Variants in DLC1 observed in about 807,000 individuals in gnomAD.
DLC1 encodes DLC1 Rho GTPase activating protein, also known as rho GTPase-activating protein 7.
In DLC1, 54 loss-of-function variants were observed where a neutral mutation model predicts 140.3. That is an observed-to-expected ratio of 0.38 (90% CI 0.31 to 0.48). The LOEUF (loss-of-function observed/expected upper bound fraction) is 0.48. Among genes scored for constraint, DLC1 ranks in the 20% least tolerant of loss-of-function variants. DLC1 has a pLI of 0.96. For synonymous variants in DLC1, 986 were observed against 728.1 expected (o/e 1.35, Z -5.70); for missense variants, 2,536 against 1,907.0 (o/e 1.33, Z -6.14).
At chr8:13,360,954 G>C (rs1835196020) in intron 4 of DLC1, among the ~76,000 whole-genome samples, 1 of 151,892 alleles carries the variant, frequency 6.6e-6, no homozygotes, top group South Asian at 2.1e-4. Context: ...ATATTGGCTG[G>C]CTGCAGCGGC....
chr8:13,286,672 AGT>A (rs1470046940), intron 5 of DLC1, among the ~76,000 whole-genome samples: 3 of 151,798 alleles, frequency 2.0e-5, no homozygotes, highest in Non-Finnish European at 2.9e-5. Flanking sequence ...AAATTTTCAC[AGT>A]CTCTCTGATA....
chr8:13,190,298 A>T (rs542823825), intron 5 of DLC1, among the ~76,000 whole-genome samples: 54 of 151,836 alleles, frequency 3.6e-4, no homozygotes, highest in Non-Finnish European at 7.1e-4. Flanking sequence ...GGCTTTGGAG[A>T]TATCTATGGG....
Position 13,548,827 on chromosome 8 carries a change from T to C in DLC1, c.-125-48631A>G, listed in dbSNP as rs140058313. 5.9e-5 allele frequency among the ~76,000 whole-genome samples: 9 copies of C among 152,178 alleles called. No homozygotes were observed. In the East Asian group the frequency reaches 1.7e-3, roughly 29 times the overall value. Reference sequence around the variant, plus strand: ...GTTGATTAATTTCTTAGCTGAGCCATAGGGAAGATCACTTACATTTCTGAC... The same window carrying C: ...GTTGATTAATTTCTTAGCTGAGCCACAGGGAAGATCACTTACATTTCTGAC... On this transcript the variant is annotated intron_variant, in intron 1 of 1. Transcript: ENST00000631382.
At chr8:13,477,564 T>C (rs2117100345) in intron 2 of DLC1, among the ~76,000 whole-genome samples, 1 of 152,296 alleles carries the variant, frequency 6.6e-6, no homozygotes, top group Middle Eastern at 3.4e-3. Flanking sequence ...GGTTAGTGCT[T>C]TTACAAATGG....
At chr8:13,106,136 C>T (rs1335338361) in intron 7 of DLC1, among the ~76,000 whole-genome samples, 1 of 152,156 alleles carries the variant, frequency 6.6e-6, no homozygotes, top group South Asian at 2.1e-4. Context: ...AAGAGCTTCT[C>T]TGCATGGAGC....
At chr8:13,419,597 C>T (rs1838219590) in intron 2 of DLC1, among the ~76,000 whole-genome samples, 1 of 152,186 alleles carries the variant, frequency 6.6e-6, no homozygotes, top group African/African-American at 2.4e-5. Context: ...TTTTGATGTG[C>T]TGCTGCATTC....
intron 5 of DLC1, among the ~76,000 whole-genome samples, chr8:13,255,860 A>G (rs943667401): frequency 2.6e-5 from 4 of 152,200 alleles, no homozygotes; most frequent in African/African-American, 9.7e-5. Flanking sequence ...TATTTGTTAA[A>G]TGAAAGAATA....
At chr8:13,138,183 G>C (rs1332262129) in intron 5 of DLC1, among the ~76,000 whole-genome samples, 1 of 152,208 alleles carries the variant, frequency 6.6e-6, no homozygotes, top group Non-Finnish European at 1.5e-5. Flanking sequence ...CAATGATAGT[G>C]AGTAAAGTTG....
At chr8:13,266,736 C>G (rs1416509485) in intron 5 of DLC1, among the ~76,000 whole-genome samples, 5 of 151,926 alleles carry the variant, frequency 3.3e-5, no homozygotes, top group African/African-American at 1.2e-4. Flanking sequence ...TAGAGAAAGA[C>G]TTAGTATTAA....
intron 2 of DLC1, among the ~76,000 whole-genome samples, chr8:13,470,678 G>A (rs1585163837): frequency 6.6e-6 from 1 of 152,240 alleles, no homozygotes; most frequent in East Asian, 1.9e-4. Context: ...TAGCCATATG[G>A]AAAAAAGTAT....
chr8:13,212,139 A>G (rs1466143045), intron 5 of DLC1, among the ~76,000 whole-genome samples: 2 of 152,160 alleles, frequency 1.3e-5, no homozygotes, highest in African/African-American at 2.4e-5. Flanking sequence ...TATGTTAAGA[A>G]ATTTATGTTA....
intron 1 of DLC1, among the ~76,000 whole-genome samples, chr8:13,545,525 G>A (rs959676947): frequency 6.6e-6 from 1 of 151,942 alleles, no homozygotes; most frequent in Non-Finnish European, 1.5e-5. Flanking sequence ...GTATGACAAG[G>A]TTTACTCTTC....
At chr8:13,311,651 T>G (rs1478109868) in intron 4 of DLC1, among the ~76,000 whole-genome samples, 2 of 152,250 alleles carry the variant, frequency 1.3e-5, no homozygotes, top group Non-Finnish European at 2.9e-5. Context: ...TCAGTTTTTG[T>G]AGACTGAAAT....
At chr8:13,094,390 G>C (rs1022985035) in intron 12 of DLC1, among the ~76,000 whole-genome samples, 1 of 152,174 alleles carries the variant, frequency 6.6e-6, no homozygotes, top group Admixed American at 6.5e-5. Flanking sequence ...TCAAGGCCAG[G>C]CGTGGTGGCT....
intron 4 of DLC1, among the ~76,000 whole-genome samples, chr8:13,320,136 A>G (rs1340615626): frequency 6.6e-6 from 1 of 152,126 alleles, no homozygotes; most frequent in Non-Finnish European, 1.5e-5. Context: ...TAACCTTATT[A>G]TTAGGGCTGA....
chr8:13,224,417 C>T (rs1828695584), intron 5 of DLC1, among the ~76,000 whole-genome samples: 1 of 152,064 alleles, frequency 6.6e-6, no homozygotes, highest in Admixed American at 6.6e-5. Context: ...TTATTAAGGG[C>T]TTGAGAATCC....
chr8:13,518,338 A>C (rs1170783211), upstream of DLC1, among the ~76,000 whole-genome samples: 1 of 152,018 alleles, frequency 6.6e-6, no homozygotes, highest in Non-Finnish European at 1.5e-5. Context: ...TAAACTCCTG[A>C]CCTCAAGTGA....
chr8:13,087,420 A>T (rs1817656577), intron 16 of DLC1, among the ~76,000 whole-genome samples: 1 of 152,186 alleles, frequency 6.6e-6, no homozygotes, highest in African/African-American at 2.4e-5. Context: ...CAAACAACCA[A>T]CCAACTAACC....
intron 4 of DLC1, among the ~76,000 whole-genome samples, chr8:13,311,446 G>C (rs1447623742): frequency 6.6e-6 from 1 of 152,220 alleles, no homozygotes; most frequent in Non-Finnish European, 1.5e-5. Flanking sequence ...ATGTGCTGGT[G>C]TAAGGATTGC....
Sources: gnomAD v4.1 joint callset for allele counts (sites outside exome capture counted in the v4.1 genomes callset) on GRCh38, gnomAD v4.1.1 for gene constraint, MANE v1.5 for transcripts, NCBI Gene and HGNC (gene_info 2026-07-23, HGNC 2026-07-21) for gene names.